The following MAP2 variants were observed in gnomAD, a reference collection of about 807,000 sequenced individuals.
MAP2 encodes microtubule associated protein 2.
In MAP2, 14 loss-of-function variants were observed where a neutral mutation model predicts 137.6. The ratio of observed to expected loss-of-function variants is 0.10; its 90% CI spans 0.07 to 0.16. MAP2 has a LOEUF of 0.16. Ranked by LOEUF, MAP2 falls within the 10% of genes least tolerant of loss-of-function variation. The probability of loss-of-function intolerance (pLI) is 1.00; values close to 1 mark genes in which losing one functional copy is unlikely to be tolerated. For synonymous variants in MAP2, 786 were observed against 782.3 expected (o/e 1.00, Z -0.08); for missense variants, 2,088 against 2,191.5 (o/e 0.95, Z 0.94).
chr2:209,663,655 G>A (rs1250784427), intron 5 of MAP2, among the ~76,000 whole-genome samples: 1 of 152,088 alleles, frequency 6.6e-6, no homozygotes, highest in Non-Finnish European at 1.5e-5. Context: ...TAAGAAAGGA[G>A]GAATCAAGAT....
intron 2 of MAP2, among the ~76,000 whole-genome samples, chr2:209,554,261 C>A (rs1410796270): frequency 6.6e-6 from 1 of 152,132 alleles, no homozygotes; most frequent in Admixed American, 6.5e-5. Context: ...AGCCTGTAAC[C>A]CTTGGCAGCT....
chr2:209,616,245 G>C (rs1029624598), intron 3 of MAP2, among the ~76,000 whole-genome samples: 1 of 152,136 alleles, frequency 6.6e-6, no homozygotes, highest in Non-Finnish European at 1.5e-5. Context: ...ACTGGCCCGG[G>C]GTCCCCAGCT....
chr2:209,440,079 A>G (rs533766900), intron 1 of MAP2, among the ~76,000 whole-genome samples: 6 of 151,474 alleles, frequency 4.0e-5, no homozygotes, highest in Non-Finnish European at 8.9e-5. Flanking sequence ...ACATTCACTA[A>G]TTTCAGTTTT....
chr2:209,513,248 G>A (rs1015048696), intron 2 of MAP2, among the ~76,000 whole-genome samples: 10 of 152,022 alleles, frequency 6.6e-5, no homozygotes, highest in African/African-American at 2.2e-4. Flanking sequence ...TCAGGGAGAC[G>A]CTATATTTCT....
At chr2:209,676,845 A>T (rs1300642960) in intron 5 of MAP2, among the ~76,000 whole-genome samples, 1 of 148,322 alleles carries the variant, frequency 6.7e-6, no homozygotes, top group Non-Finnish European at 1.5e-5. Context: ...GGGGTGCTAG[A>T]AGAAGCTACC....
At chr2:209,443,302 C>A (rs1029802263) in intron 1 of MAP2, among the ~76,000 whole-genome samples, 2 of 151,282 alleles carry the variant, frequency 1.3e-5, no homozygotes, top group African/African-American at 4.8e-5. Context: ...TCTATTTATA[C>A]TTCTTGCAGG....
intron 1 of MAP2, among the ~76,000 whole-genome samples, chr2:209,442,374 C>G (rs2149403125): frequency 6.6e-6 from 1 of 151,654 alleles, no homozygotes; most frequent in Admixed American, 6.6e-5. Context: ...AGACATTGAT[C>G]AATGATTTTG....
chr2:209,658,596 T>A lies in MAP2; in HGVS notation c.262+5164T>A, dbSNP rs187808696. Among the ~76,000 whole-genome samples the A allele has an allele frequency of 5.3e-3, 802 of 152,176 alleles. 9 individuals carry two copies. Among genetic ancestry groups the A allele is most frequent in the African/African-American group, 0.018 (756 of 41,516 alleles). ...ATCTTGGCTCATTGCAATGTCTGCC[T>A]CCCGGGTTCAAGCGATTCTCTTGCC... On this transcript the variant is annotated intron_variant, in intron 5 of 15. Coordinates refer to ENST00000682079, the MANE Select transcript of MAP2 (RefSeq NM_001375505.1).
rs1035962010 is a variant in MAP2 at position 209,434,850 on chromosome 2, T to C, written c.-222+10574T>C. 8.9e-4 allele frequency among the ~76,000 whole-genome samples: 107 copies of C among 120,008 alleles called. 3 individuals are homozygous for C. The highest frequency in any genetic ancestry group is 2.9e-3 in the African/African-American group (89 of 30,948). 78.7% of individuals were successfully genotyped at this position (120,008 alleles called of 152,430 possible). A position where few individuals can be genotyped will look rare whatever the true frequency, so the allele number is the denominator to read the frequency against. On this transcript the variant is annotated intron_variant, in intron 1 of 15. Transcript: ENST00000682079. ...CTCTCTCTCTATATATATATATATGTTATATATATATGTTATATATATGTT... is the reference window on the plus strand; with the variant it reads ...CTCTCTCTCTATATATATATATATGCTATATATATATGTTATATATATGTT...
intron 3 of MAP2, among the ~76,000 whole-genome samples, chr2:209,619,697 G>C (rs1044866609): frequency 2.0e-5 from 3 of 152,038 alleles, no homozygotes; most frequent in Non-Finnish European, 2.9e-5. Flanking sequence ...ATTTAGCAAA[G>C]TGAGTTTTAA....
chr2:209,663,125 A>T (rs1431868549), intron 5 of MAP2, among the ~76,000 whole-genome samples: 1 of 151,870 alleles, frequency 6.6e-6, no homozygotes, highest in African/African-American at 2.4e-5. Flanking sequence ...AGCAGTTATC[A>T]CTCCTCTTTT....
intron 2 of MAP2, among the ~76,000 whole-genome samples, chr2:209,551,399 A>G (rs1187725626): frequency 6.6e-6 from 1 of 152,162 alleles, no homozygotes. Flanking sequence ...ACATTATTTC[A>G]TAGTGCATTA....
At position 209,450,196 on chromosome 2, in the gene MAP2, C is replaced by T. The variant is rs182799245; in HGVS notation, c.-222+25920C>T. On this transcript the variant is annotated intron_variant, in intron 1 of 15. Coordinates refer to ENST00000682079, the MANE Select transcript of MAP2 (RefSeq NM_001375505.1). ...ACCTCAAGTAATCCACCTGCCTCGG[C>T]CTCCCAAAGTGCTGGGATTATAGGT... Among the ~76,000 whole-genome samples the T allele has an allele frequency of 5.7e-3, 869 of 152,310 alleles. 6 individuals are homozygous for T. Among genetic ancestry groups the T allele is most frequent in the Admixed American group, 9.8e-3 (150 of 15,296 alleles).
At chr2:209,510,257 T>C (rs1404767390) in intron 2 of MAP2, among the ~76,000 whole-genome samples, 1 of 152,044 alleles carries the variant, frequency 6.6e-6, no homozygotes, top group Non-Finnish European at 1.5e-5. Flanking sequence ...AAATTTTCTA[T>C]TCTATACATT....
At chr2:209,431,442 ATTCT>A (rs1460042717) in intron 1 of MAP2, among the ~76,000 whole-genome samples, 3 of 152,180 alleles carry the variant, frequency 2.0e-5, no homozygotes, top group African/African-American at 7.2e-5. Flanking sequence ...TTACAAATAC[ATTCT>A]TTATTTCTGT....
intron 2 of MAP2, among the ~76,000 whole-genome samples, chr2:209,576,964 C>T (rs113845575): frequency 0.011 from 1,653 of 152,186 alleles, 32 homozygotes; most frequent in African/African-American, 0.037. Flanking sequence ...TAAATGACCT[C>T]CAGAGAGTAT....
intron 2 of MAP2, among the ~76,000 whole-genome samples, chr2:209,514,348 T>C (rs2062159382): frequency 6.6e-6 from 1 of 152,080 alleles, no homozygotes; most frequent in Admixed American, 6.6e-5. Context: ...CCCTTTTTTT[T>C]TCATGTGGGA....
chr2:209,555,413 C>T (rs1026127995), intron 2 of MAP2, among the ~76,000 whole-genome samples: 3 of 151,984 alleles, frequency 2.0e-5, no homozygotes, highest in African/African-American at 7.2e-5. Flanking sequence ...TAATGGAGGC[C>T]GAGAGTTGGA....
At chr2:209,719,845 C>A (rs774280968) in intron 13 of MAP2, among the ~76,000 whole-genome samples, 6 of 151,924 alleles carry the variant, frequency 3.9e-5, no homozygotes. Context: ...GCTATATGAC[C>A]CTTATGTGAA....
Sources: gnomAD v4.1 joint callset for allele counts (sites outside exome capture counted in the v4.1 genomes callset) on GRCh38, gnomAD v4.1.1 for gene constraint, MANE v1.5 for transcripts, NCBI Gene and HGNC (gene_info 2026-07-23, HGNC 2026-07-21) for gene names.